Variants in C13orf42 observed in about 807,000 individuals in gnomAD.
C13orf42 encodes chromosome 13 open reading frame 42.
chr13:51,119,641 A>G (rs1168801811), intron 1 of C13orf42, among the ~76,000 whole-genome samples: 2 of 152,220 alleles, frequency 1.3e-5, no homozygotes, highest in East Asian at 3.8e-4. Flanking sequence ...GCGACGTGAA[A>G]TAAGACAGAC....
chr13:51,162,649 T>A (rs1953875493), intron 1 of C13orf42, among the ~76,000 whole-genome samples: 1 of 152,184 alleles, frequency 6.6e-6, no homozygotes, highest in South Asian at 2.1e-4. Flanking sequence ...TCTCCCTTCA[T>A]TACTGGTTCA....
rs575137139 is a variant in C13orf42, at chr13:51,103,111, G to A, written c.414+7685C>T. 1.4e-4 allele frequency among the ~76,000 whole-genome samples: 22 copies of A among 152,326 alleles called. 1 individual carries two copies. In the East Asian group the frequency reaches 4.2e-3, roughly 29 times the overall value. The stretch of plus-strand genomic sequence containing the variant: ...ATGTCCAATGTGAACCATCTGGACT[G>A]TGTGGGAGCCATGGGGTTCCATAGG... On this transcript the variant is annotated intron_variant, in intron 1 of 3. Transcript: ENST00000563710.
chr13:51,138,674 T>C (rs1178763036), intron 1 of C13orf42, among the ~76,000 whole-genome samples: 1 of 152,214 alleles, frequency 6.6e-6, no homozygotes. Context: ...GGAAAAAGTA[T>C]GGAGATTCCT....
upstream of C13orf42, among the ~76,000 whole-genome samples, chr13:51,115,022 C>T (rs1278075624): frequency 6.6e-6 from 1 of 151,908 alleles, no homozygotes; most frequent in East Asian, 1.9e-4. Context: ...TAAAAAACAA[C>T]AAAAATAAAT....
At chr13:51,154,748 G>A (rs1467423161) in intron 1 of C13orf42, among the ~76,000 whole-genome samples, 9 of 152,298 alleles carry the variant, frequency 5.9e-5, no homozygotes, top group East Asian at 3.9e-4. Flanking sequence ...GCCAGACCTC[G>A]TTGAAGACAC....
chr13:51,117,064 A>G (rs1953497974), intron 1 of C13orf42, among the ~76,000 whole-genome samples: 1 of 152,258 alleles, frequency 6.6e-6, no homozygotes, highest in Non-Finnish European at 1.5e-5. Flanking sequence ...TGTGAGTACT[A>G]GAAGAATGGC....
intron 1 of C13orf42, among the ~76,000 whole-genome samples, chr13:51,102,457 C>A (rs1184129479): frequency 6.6e-6 from 1 of 152,170 alleles, no homozygotes; most frequent in Non-Finnish European, 1.5e-5. Flanking sequence ...GAAAATTATT[C>A]TGAAAGCTAA....
chr13:51,140,264 A>G (rs1369861213), intron 1 of C13orf42, among the ~76,000 whole-genome samples: 1 of 152,164 alleles, frequency 6.6e-6, no homozygotes, highest in Non-Finnish European at 1.5e-5. Context: ...AGACCAAACC[A>G]ATGTACTTCT....
At chr13:51,110,631 C>G (rs1463502735) in intron 1 of C13orf42, among the ~76,000 whole-genome samples, 165 bp downstream of exon 1, 1 of 152,190 alleles carries the variant, frequency 6.6e-6, no homozygotes, top group East Asian at 1.9e-4. Flanking sequence ...CCACCCTTCC[C>G]CAGGCTGGGG....
chr13:51,167,367 G>C (rs1289730669), intron 1 of C13orf42, among the ~76,000 whole-genome samples: 1 of 152,160 alleles, frequency 6.6e-6, no homozygotes, highest in Admixed American at 6.5e-5. Context: ...TCAGAAGAAG[G>C]GGGGATTTCT....
rs57050801 is a variant in C13orf42 at position 51,085,184 on chromosome 13, A to AATATATATATAT, written c.803+123_803+134dup. 123 of 195,828 alleles carry AATATATATATAT rather than the reference A, an allele frequency of 6.3e-4. 1 individual carries two copies. Among genetic ancestry groups the AATATATATATAT allele is most frequent in the African/African-American group, 3.0e-3 (118 of 39,052 alleles). 12.1% of individuals were successfully genotyped at this position (195,828 alleles called of 1,614,324 possible). Reference sequence around the variant, plus strand: ...GACCTCACCACCACCAGCAACAACAAATATATATATATATATATATATATA... The same window carrying AATATATATATAT: ...GACCTCACCACCACCAGCAACAACAAATATATATATATATATATATATATATATATATATATA... On this transcript the variant is annotated intron_variant, in intron 3 of 3. Coordinates refer to ENST00000563710, the MANE Select transcript of C13orf42 (RefSeq NM_001351589.3).
chr13:51,099,606 A>C (rs1330867084), intron 1 of C13orf42, among the ~76,000 whole-genome samples: 1 of 152,184 alleles, frequency 6.6e-6, no homozygotes, highest in Admixed American at 6.5e-5. Context: ...TAACAGTTTT[A>C]GGCTTACTTT....
intron 3 of C13orf42, 97 bp downstream of exon 3, chr13:51,085,222 G>A: frequency 2.9e-6 from 1 of 346,422 alleles, no homozygotes; most frequent in Admixed American, 4.7e-5. Flanking sequence ...AATAATATTT[G>A]GCATGTAAGA....
upstream of C13orf42, among the ~76,000 whole-genome samples, chr13:51,112,284 A>T (rs77205065): frequency 1.7e-3 from 256 of 152,324 alleles, 1 homozygote; most frequent in African/African-American, 5.9e-3. Context: ...ATGAGCCCCC[A>T]GAAATTGTAT....
At chr13:51,093,006 T>G (rs10450826) in intron 1 of C13orf42, among the ~76,000 whole-genome samples, 10 of 152,312 alleles carry the variant, frequency 6.6e-5, no homozygotes, top group African/African-American at 2.4e-4. Context: ...GATAAGAGTT[T>G]TCAGCAACAT....
At chr13:51,106,915 C>T (rs74085525) in intron 1 of C13orf42, among the ~76,000 whole-genome samples, 13,497 of 152,228 alleles carry the variant, frequency 0.089, 885 homozygotes, top group South Asian at 0.26. Context: ...CCCTCACGTA[C>T]GGATTTTTTT....
chr13:51,106,313 G>A (rs902112187), intron 1 of C13orf42, among the ~76,000 whole-genome samples: 14 of 152,124 alleles, frequency 9.2e-5, no homozygotes, highest in South Asian at 4.1e-4. Flanking sequence ...CAGAATCCAC[G>A]TGCAGTATGA....
At chr13:51,100,700 AT>A (rs1953281114) in intron 1 of C13orf42, among the ~76,000 whole-genome samples, 1 of 152,220 alleles carries the variant, frequency 6.6e-6, no homozygotes, top group African/African-American at 2.4e-5. Context: ...AGAAGAGCTT[AT>A]TAGAAACCCA....
At chr13:51,118,829 GCATACAGTATGC>G (rs1179933510) in intron 1 of C13orf42, among the ~76,000 whole-genome samples, 2 of 152,116 alleles carry the variant, frequency 1.3e-5, no homozygotes, top group Non-Finnish European at 2.9e-5. Context: ...GCATGCTTGG[GCATACAGTATGC>G]CCAGGGGTAT....
Sources: allele counts gnomAD v4.1 joint callset (sites outside exome capture counted in the v4.1 genomes callset), GRCh38; gene constraint gnomAD v4.1.1; transcripts MANE v1.5; gene names NCBI Gene and HGNC (gene_info 2026-07-23, HGNC 2026-07-21).